ALKAL1: variants seen among roughly 807,000 people sequenced by gnomAD.
ALKAL1 encodes ALK and LTK ligand 1.
In ALKAL1, 23 loss-of-function variants were observed where a neutral mutation model predicts 13.5. That is an observed-to-expected ratio of 1.70 (90% CI 1.23 to 2.41). The LOEUF (loss-of-function observed/expected upper bound fraction) is 2.41, where lower values mean the gene tolerates loss of function less well. Among genes scored for constraint, ALKAL1 ranks in the 30% most tolerant of loss-of-function variants. The pLI, the probability that ALKAL1 is intolerant of heterozygous loss-of-function variation, is 0.00. For synonymous variants in ALKAL1, 85 were observed against 77.7 expected, an observed-to-expected ratio of 1.09 and a Z score of -0.49; for missense variants, 181 against 178.4, an observed-to-expected ratio of 1.01 and a Z score of -0.08.
chr8:52,540,997 A>G (rs1847307142), intron 2 of ALKAL1, among the ~76,000 whole-genome samples: 1 of 152,210 alleles, frequency 6.6e-6, no homozygotes, highest in South Asian at 2.1e-4. Context: ...GGTGTAAAAC[A>G]AGAAAAAAGT....
intron 1 of ALKAL1, among the ~76,000 whole-genome samples, chr8:52,564,631 G>A (rs1847582178): frequency 6.6e-6 from 1 of 152,204 alleles, no homozygotes; most frequent in South Asian, 2.1e-4. Context: ...CAGCGTGAAA[G>A]GGGAGGGGAA....
rs76395687 is a variant in ALKAL1, at chr8:52,536,652, G to A, written c.*12+1779C>T. Among the ~76,000 whole-genome samples the A allele has an allele frequency of 2.8e-3, 426 of 152,138 alleles. 3 individuals are homozygous for A. Among genetic ancestry groups the A allele is most frequent in the African/African-American group, 8.8e-3 (364 of 41,508 alleles). ...ATCTTCTCTCTGTTTCCTACCTACAGTACCAAAACTGTACCGAAGTTTTAA... is the reference window on the plus strand; with the variant it reads ...ATCTTCTCTCTGTTTCCTACCTACAATACCAAAACTGTACCGAAGTTTTAA... On this transcript the variant is annotated intron_variant, in intron 4 of 4. Transcript: ENST00000358543.
intron 1 of ALKAL1, among the ~76,000 whole-genome samples, chr8:52,542,977 C>T (rs12679091): frequency 0.17 from 25,506 of 152,190 alleles, 2,702 homozygotes; most frequent in East Asian, 0.35. Context: ...AACCCCTCTT[C>T]TCCTCCCCAT....
intron 2 of ALKAL1, 141 bp downstream of exon 2, chr8:52,542,251 T>C (rs566398505): frequency 1.7e-6 from 1 of 588,412 alleles, no homozygotes; most frequent in African/African-American, 1.9e-5. Context: ...TTAACACAAG[T>C]TAGTAGCATC....
intron 4 of ALKAL1, among the ~76,000 whole-genome samples, chr8:52,537,193 A>G (rs1468454340): frequency 2.0e-5 from 3 of 152,216 alleles, no homozygotes; most frequent in Admixed American, 6.5e-5. Flanking sequence ...AAGAAGACAT[A>G]CAAAAGTCTA....
At position 52,542,428 on chromosome 8, in the gene ALKAL1, A is replaced by C; in HGVS notation, c.208T>G (p.Ser70Ala). 2.6e-6 allele frequency: 4 copies of C among 1,544,268 alleles called. No homozygotes were observed. In the South Asian group the frequency reaches 4.7e-5, roughly 18 times the overall value. Reference sequence around the variant, plus strand: ...TTTATGAATTTGTCTTTTAAGTTAGAGTCTCTTGGGAATATTTCTGAAAAG... The same window carrying C: ...TTTATGAATTTGTCTTTTAAGTTAGCGTCTCTTGGGAATATTTCTGAAAAG... ...SRSAEIFPRD[S>A]NLKDKFIKHF... The change falls in exon 2 of 5, where the codon TCT (serine) becomes GCT (alanine). Residue 70 changes from serine to alanine, a missense_variant. Transcript: ENST00000358543.
intron 3 of ALKAL1, among the ~76,000 whole-genome samples, chr8:52,538,772 G>A (rs1481436689): frequency 6.6e-6 from 1 of 152,110 alleles, no homozygotes; most frequent in East Asian, 1.9e-4. Flanking sequence ...TTATCCCAAA[G>A]CACGTGCTTT....
intron 2 of ALKAL1, among the ~76,000 whole-genome samples, chr8:52,541,281 C>A (rs1366110998): frequency 6.6e-6 from 1 of 152,066 alleles, no homozygotes; most frequent in Non-Finnish European, 1.5e-5. Context: ...TCAAGACCAA[C>A]CTGGGCAACA....
At chr8:52,545,168 G>A (rs1233425393) in intron 1 of ALKAL1, among the ~76,000 whole-genome samples, 1 of 152,076 alleles carries the variant, frequency 6.6e-6, no homozygotes, top group African/African-American at 2.4e-5. Flanking sequence ...CTAAGCCAAG[G>A]GAAAAGTCAA....
Position 52,564,822 on chromosome 8 carries a change from T to C in ALKAL1, c.190+245A>G, listed in dbSNP as rs10958330. On this transcript the variant is annotated intron_variant, in intron 1 of 4. Coordinates refer to ENST00000358543, the MANE Select transcript of ALKAL1 (RefSeq NM_207413.4). ...CCAGTTTATTTCCAAAAAGTCCTCC[T>C]ACACCTGGGAAGGGACATAGAAAGC... 0.2 allele frequency among the ~76,000 whole-genome samples: 30,237 copies of C among 152,164 alleles called. 3,900 individuals carry two copies. Among genetic ancestry groups the C allele is most frequent in the East Asian group, 0.62 (3,208 of 5,140 alleles).
chr8:52,550,862 A>G (rs756754107), intron 1 of ALKAL1, among the ~76,000 whole-genome samples: 2 of 152,124 alleles, frequency 1.3e-5, no homozygotes, highest in Non-Finnish European at 2.9e-5. Context: ...CTACTCCACT[A>G]TGACCTCATC....
intron 4 of ALKAL1, among the ~76,000 whole-genome samples, chr8:52,536,373 G>T (rs976910932): frequency 1.3e-5 from 2 of 152,172 alleles, no homozygotes; most frequent in South Asian, 2.1e-4. Context: ...ACTGATTAAA[G>T]AAATATTTGA....
intron 1 of ALKAL1, among the ~76,000 whole-genome samples, chr8:52,543,666 T>C (rs971162111): frequency 5.3e-5 from 8 of 152,150 alleles, no homozygotes; most frequent in African/African-American, 1.9e-4. Flanking sequence ...CCTTTCCTCT[T>C]CTCTTCAATA....
rs998825568 is a variant in ALKAL1 at position 52,556,503 on chromosome 8, C to A, written c.190+8564G>T. On this transcript the variant is annotated intron_variant, in intron 1 of 4. Coordinates refer to ENST00000358543, the MANE Select transcript of ALKAL1 (RefSeq NM_207413.4). ...TCTACTAAAAATACAAAAAATTAGCCGGGCGTGGTGGCGCGCGCCTGTAGT... is the reference window on the plus strand; with the variant it reads ...TCTACTAAAAATACAAAAAATTAGCAGGGCGTGGTGGCGCGCGCCTGTAGT... 2.9e-4 allele frequency among the ~76,000 whole-genome samples: 44 copies of A among 151,708 alleles called. 1 individual carries two copies. The highest frequency in any genetic ancestry group is 9.4e-4 in the African/African-American group (39 of 41,434).
At chr8:52,562,432 C>A (rs1257322725) in intron 1 of ALKAL1, among the ~76,000 whole-genome samples, 1 of 152,064 alleles carries the variant, frequency 6.6e-6, no homozygotes. Context: ...AATGAGAGGA[C>A]GGATACAGGC....
chr8:52,543,463 C>A (rs1456091340), intron 1 of ALKAL1, among the ~76,000 whole-genome samples: 1 of 152,172 alleles, frequency 6.6e-6, no homozygotes, highest in Non-Finnish European at 1.5e-5. Context: ...CTTCCCTGTG[C>A]AGGGAGCTCC....
intron 1 of ALKAL1, among the ~76,000 whole-genome samples, chr8:52,563,295 T>C (rs1361335698): frequency 6.6e-6 from 1 of 151,986 alleles, no homozygotes; most frequent in Non-Finnish European, 1.5e-5. Context: ...TAGCCGGGCG[T>C]GGTGGTGCGC....
chr8:52,554,272 C>T (rs1222895711), intron 1 of ALKAL1, among the ~76,000 whole-genome samples: 1 of 152,180 alleles, frequency 6.6e-6, no homozygotes, highest in African/African-American at 2.4e-5. Flanking sequence ...AGATGTGCCA[C>T]ATTTCACACC....
chr8:52,545,347 G>T (rs991652588), intron 1 of ALKAL1, among the ~76,000 whole-genome samples: 3 of 152,138 alleles, frequency 2.0e-5, no homozygotes, highest in Non-Finnish European at 2.9e-5. Flanking sequence ...TGACACAAAT[G>T]CATATGATTG....
Sources: allele counts gnomAD v4.1 joint callset (sites outside exome capture counted in the v4.1 genomes callset), GRCh38; gene constraint gnomAD v4.1.1; transcripts MANE v1.5; gene names NCBI Gene and HGNC (gene_info 2026-07-23, HGNC 2026-07-21).